The following MBNL3 variants were observed in gnomAD, a reference collection of about 807,000 sequenced individuals.
MBNL3 encodes muscleblind like splicing regulator 3.
In MBNL3, 6 loss-of-function variants were observed where a neutral mutation model predicts 24.5. The ratio of observed to expected loss-of-function variants is 0.25; its 90% CI spans 0.13 to 0.48. The LOEUF (loss-of-function observed/expected upper bound fraction) is 0.48. MBNL3 is among the 20% of genes least tolerant of loss of function. The pLI, the probability that MBNL3 is intolerant of heterozygous loss-of-function variation, is 0.99. For synonymous variants in MBNL3, 100 were observed against 101.7 expected, an observed-to-expected ratio of 0.98 and a Z score of 0.10; for missense variants, 230 against 293.5, an observed-to-expected ratio of 0.78 and a Z score of 1.58.
In MBNL3 at chrX:132,370,219, T is replaced by G. The variant is rs933806377; in HGVS notation, c.*9447A>C. 6.3e-5 allele frequency: 7 copies of G among 111,992 alleles called. No individual in the cohort carries two copies. The Admixed American group carries it at 6.6e-4, about 11-fold the overall frequency. 9.2% of individuals were successfully genotyped at this position (111,992 alleles called of 1,213,427 possible). A position where few individuals can be genotyped will look rare whatever the true frequency, so the allele number is the denominator to read the frequency against. On this transcript the variant is annotated 3_prime_UTR_variant, in exon 9 of 9. Transcript: ENST00000370853. ...AATCAGAGAATGTGTGTCCATCTGT[T>G]AAAGTTTAACAAATATAGGCTTTAA... is the stretch of plus-strand genomic sequence containing the variant.
intron 2 of MBNL3, among the ~76,000 whole-genome samples, chrX:132,407,981 T>C (rs927218964): frequency 9.2e-6 from 1 of 108,988 alleles, no homozygotes; most frequent in Non-Finnish European, 1.9e-5. Flanking sequence ...CTCTCCTCTC[T>C]AATCTCTTTT....
At chrX:132,384,571 C>A in intron 7 of MBNL3, 92 bp downstream of exon 7, 1 of 825,737 alleles carries the variant, frequency 1.2e-6, no homozygotes, top group Non-Finnish European at 1.7e-6. Context: ...AATTTCCAGC[C>A]ACATCTTTCA....
Position 132,373,785 on chromosome X carries a change from C to T in MBNL3, c.*5881G>A, listed in dbSNP as rs1347283376. 3.6e-5 allele frequency: 4 copies of T among 111,829 alleles called. No individual in the cohort carries two copies. Among genetic ancestry groups the T allele is most frequent in the African/African-American group, 1.3e-4 (4 of 30,860 alleles). The allele number at this position is 111,829 out of a possible 1,213,427, so 9.2% of individuals were successfully genotyped here. ...AGAGATGGTCAGATTGAAACATTGT[C>T]TTCCAGCTCCTGTGTTACGTAAGAT... On this transcript the variant is annotated 3_prime_UTR_variant, in exon 9 of 9. Transcript: ENST00000370853.
At chrX:132,487,442 GTTGT>G (rs1197996483) in intron 1 of MBNL3, among the ~76,000 whole-genome samples, 1 of 112,535 alleles carries the variant, frequency 8.9e-6, no homozygotes. Flanking sequence ...AAACAGTTTG[GTTGT>G]TTGTTTCTAG....
intron 8 of MBNL3, chrX:132,381,441 G>GC: frequency 9.4e-7 from 1 of 1,069,052 alleles, no homozygotes; most frequent in Admixed American, 2.6e-5. Context: ...ATCTATAGTA[G>GC]TAAAAAAGAT....
chrX:132,409,092 G>T (rs1393904045), intron 2 of MBNL3, among the ~76,000 whole-genome samples: 2 of 111,987 alleles, frequency 1.8e-5, no homozygotes, highest in African/African-American at 6.5e-5. Flanking sequence ...CTATGCCCCT[G>T]TTTTTTCAAA....
At position 132,377,807 on chromosome X, in the gene MBNL3, T is replaced by TTTTA. The variant is rs1210062303; in HGVS notation, c.*1858_*1859insTAAA. On this transcript the variant is annotated 3_prime_UTR_variant, in exon 9 of 9. Coordinates refer to ENST00000370853, the MANE Select transcript of MBNL3 (RefSeq NM_001386889.1). Reference sequence around the variant, plus strand: ...TCATTTTCATGAAGGAGAAAAACCATTATATATATATATATATATGTATAT... The same window carrying TTTTA: ...TCATTTTCATGAAGGAGAAAAACCATTTTATATATATATATATATATATGTATAT... 5.8e-4 allele frequency: 61 copies of TTTTA among 104,476 alleles called. No individual in the cohort carries two copies. The highest frequency in any genetic ancestry group is 2.0e-3 in the African/African-American group (57 of 28,946). The allele number at this position is 104,476 out of a possible 1,213,427, so 8.6% of individuals were successfully genotyped here.
chrX:132,446,298 T>A (rs1301725799), intron 1 of MBNL3, among the ~76,000 whole-genome samples: 1 of 112,128 alleles, frequency 8.9e-6, no homozygotes, highest in African/African-American at 3.3e-5. Flanking sequence ...TATAATACTT[T>A]GGGTATATAC....
chrX:132,378,584 C>T lies in MBNL3; in HGVS notation c.*1082G>A, dbSNP rs185604135. ...TGGTTTTACACACTTTCCTCCAGTA[C>T]GTAAAAACTATCTCCATGCCCCCAT... On this transcript the variant is annotated 3_prime_UTR_variant, in exon 9 of 9. Coordinates refer to ENST00000370853, the MANE Select transcript of MBNL3 (RefSeq NM_001386889.1). 7 of 111,828 alleles carry T rather than the reference C, an allele frequency of 6.3e-5. No individual in the cohort carries two copies. The highest frequency in any genetic ancestry group is 1.1e-4 in the Non-Finnish European group (6 of 53,086). 9.2% of individuals were successfully genotyped at this position (111,828 alleles called of 1,213,427 possible).
At position 132,375,460 on chromosome X, in the gene MBNL3, T is replaced by G. The variant is rs910411737; in HGVS notation, c.*4206A>C. On this transcript the variant is annotated 3_prime_UTR_variant, in exon 9 of 9. Coordinates refer to ENST00000370853, the MANE Select transcript of MBNL3 (RefSeq NM_001386889.1). Reference sequence around the variant, plus strand: ...CTTTGAAATTAAATTGATTAGTTACTTAGAGCTACAAAAAAGCAATAAAAT... The same window carrying G: ...CTTTGAAATTAAATTGATTAGTTACGTAGAGCTACAAAAAAGCAATAAAAT... 4.5e-5 allele frequency: 5 copies of G among 111,071 alleles called. No homozygotes were observed. Among genetic ancestry groups the G allele is most frequent in the African/African-American group, 1.6e-4 (5 of 30,585 alleles). The allele number at this position is 111,071 out of a possible 1,213,427, so 9.2% of individuals were successfully genotyped here.
intron 2 of MBNL3, among the ~76,000 whole-genome samples, chrX:132,422,127 A>ATGTG (rs113734916): frequency 5.0e-4 from 51 of 101,960 alleles, no homozygotes; most frequent in Middle Eastern, 0.01. Flanking sequence ...TGAATATACT[A>ATGTG]TGTGTGTGTG....
At chrX:132,407,308 G>T (rs1420611186) in intron 2 of MBNL3, among the ~76,000 whole-genome samples, 1 of 111,722 alleles carries the variant, frequency 9.0e-6, no homozygotes, top group Non-Finnish European at 1.9e-5. Flanking sequence ...TTAAATATTA[G>T]ATCACTAGGG....
chrX:132,456,981 C>T (rs1029951430), intron 1 of MBNL3, among the ~76,000 whole-genome samples: 6 of 111,480 alleles, frequency 5.4e-5, no homozygotes, highest in African/African-American at 1.3e-4. Flanking sequence ...CCCTTGGGCA[C>T]GGTAGGTCCT....
At chrX:132,396,087 C>A (rs1162572014) in intron 3 of MBNL3, among the ~76,000 whole-genome samples, 1 of 108,750 alleles carries the variant, frequency 9.2e-6, no homozygotes, top group Non-Finnish European at 1.9e-5. Context: ...TTCCAGTGTC[C>A]ATCCACAAAT....
At chrX:132,396,536 A>ATATATTCC (rs1938680202) in intron 3 of MBNL3, among the ~76,000 whole-genome samples, 1 of 59,239 alleles carries the variant, frequency 1.7e-5, no homozygotes, top group African/African-American at 8.7e-5. Context: ...ATATATTCAT[A>ATATATTCC]TATATATTCC....
At chrX:132,386,275 T>C (rs1284447652) in intron 6 of MBNL3, among the ~76,000 whole-genome samples, 5 of 111,919 alleles carry the variant, frequency 4.5e-5, no homozygotes, top group African/African-American at 1.6e-4. Context: ...CAAAGACATA[T>C]TGACAACGCA....
rs1449648912 is a variant in MBNL3, at chrX:132,390,857, G to A, written c.761C>T (p.Ala254Val). The A allele has an allele frequency of 8.3e-7, 1 of 1,207,542 alleles. No homozygotes were observed. Among genetic ancestry groups the A allele is most frequent in the Non-Finnish European group, 1.1e-6 (1 of 892,024 alleles). The change falls in exon 5 of 9, where the codon GCC (alanine) becomes GTC (valine). Residue 254 changes from alanine to valine, a missense_variant. Ala to Val is a moderately conservative substitution (Grantham distance 64, BLOSUM62 0). Coordinates refer to ENST00000370853, the MANE Select transcript of MBNL3 (RefSeq NM_001386889.1). ...CAGGCCTTTTCTTACCATGGCAGAGGCAGCTGAATGGTTCATCTGATGATG... is the reference window on the plus strand; with the variant it reads ...CAGGCCTTTTCTTACCATGGCAGAGACAGCTGAATGGTTCATCTGATGATG... Reference protein sequence around the residue: ...AAHHQMNHSAASAMALQPGTL... With the variant: ...AAHHQMNHSAVSAMALQPGTL...
intron 2 of MBNL3, among the ~76,000 whole-genome samples, chrX:132,425,471 CCT>C (rs1026359768): frequency 3.6e-5 from 4 of 110,028 alleles, no homozygotes; most frequent in African/African-American, 9.9e-5. Flanking sequence ...ATTCATGGAC[CCT>C]CTCTATTATT....
chrX:132,439,314 TA>T, intron 2 of MBNL3, 120 bp downstream of exon 2: 15 of 860,254 alleles, frequency 1.7e-5, no homozygotes, highest in Non-Finnish European at 2.0e-5. Flanking sequence ...GTTTTTTTGT[TA>T]AAAAAACAAA....
Sources: allele counts gnomAD v4.1 joint callset (sites outside exome capture counted in the v4.1 genomes callset), GRCh38; gene constraint gnomAD v4.1.1; transcripts MANE v1.5; gene names NCBI Gene and HGNC (gene_info 2026-07-23, HGNC 2026-07-21).